LIMCH1: variants seen among roughly 807,000 people sequenced by gnomAD.
The protein encoded by LIMCH1 is LIM and calponin homology domains-containing protein 1.
Under a neutral mutation model 176.5 loss-of-function variants are expected in LIMCH1, and 113 were observed. The ratio of observed to expected loss-of-function variants is 0.64; its 90% CI spans 0.55 to 0.75. The LOEUF (loss-of-function observed/expected upper bound fraction) is 0.75, where lower values mean the gene tolerates loss of function less well. LIMCH1 is among the 30% of genes least tolerant of loss of function. The probability of loss-of-function intolerance (pLI) is 0.00; values close to 1 mark genes in which losing one functional copy is unlikely to be tolerated. For synonymous variants in LIMCH1, 619 were observed against 645.9 expected, an observed-to-expected ratio of 0.96 and a Z score of 0.63; for missense variants, 1,674 against 1,814.9, an observed-to-expected ratio of 0.92 and a Z score of 1.41.
rs1347636163 is a variant in LIMCH1, at chr4:41,697,330, T to C, written c.*145T>C. 2.8e-6 allele frequency: 2 copies of C among 709,294 alleles called. No homozygotes were observed. The highest frequency in any genetic ancestry group is 4.9e-6 in the Non-Finnish European group (2 of 409,010). The allele number at this position is 709,294 out of a possible 1,614,324, so 43.9% of individuals were successfully genotyped here. A position where few individuals can be genotyped will look rare whatever the true frequency, so the allele number is the denominator to read the frequency against. ...CTTCTGAAAGGTGGTATCTGTTCTT[T>C]CGTAGCACAGTGTTTATGTTTTTCC... On this transcript the variant is annotated 3_prime_UTR_variant, in exon 32 of 32. Coordinates refer to ENST00000503057, the MANE Select transcript of LIMCH1 (RefSeq NM_001330672.2).
intron 7 of LIMCH1, among the ~76,000 whole-genome samples, chr4:41,624,594 C>A (rs927815919): frequency 2.0e-5 from 3 of 151,506 alleles, no homozygotes; most frequent in African/African-American, 7.3e-5. Flanking sequence ...AAATAGCTGC[C>A]CTGATTGGAG....
At chr4:41,463,251 T>C (rs1460370439) in intron 1 of LIMCH1, among the ~76,000 whole-genome samples, 1 of 152,158 alleles carries the variant, frequency 6.6e-6, no homozygotes, top group East Asian at 1.9e-4. Context: ...GCTGAAGATC[T>C]AGACATGATT....
chr4:41,559,814 G>A (rs577139636), intron 1 of LIMCH1, among the ~76,000 whole-genome samples: 20 of 152,074 alleles, frequency 1.3e-4, no homozygotes, highest in Admixed American at 7.9e-4. Context: ...CCTACCCAAC[G>A]CAGATATTTC....
At chr4:41,395,708 G>T (rs2057735424) in intron 1 of LIMCH1, among the ~76,000 whole-genome samples, 1 of 151,722 alleles carries the variant, frequency 6.6e-6, no homozygotes, top group African/African-American at 2.4e-5. Context: ...TTCTATTATG[G>T]CTCCATGTCA....
intron 1 of LIMCH1, among the ~76,000 whole-genome samples, chr4:41,384,916 A>G (rs1052863033): frequency 6.6e-6 from 1 of 152,248 alleles, no homozygotes; most frequent in Non-Finnish European, 1.5e-5. Context: ...CTAGGAATTT[A>G]AGAAAAAAGT....
At chr4:41,683,361 TGGCTGAG>T (rs1415113082) in intron 26 of LIMCH1, among the ~76,000 whole-genome samples, 2 of 152,136 alleles carry the variant, frequency 1.3e-5, no homozygotes, top group Non-Finnish European at 2.9e-5. Flanking sequence ...ACTCTGGTTG[TGGCTGAG>T]GGTTGTAATG....
At chr4:41,544,782 G>C (rs975664252) in intron 1 of LIMCH1, among the ~76,000 whole-genome samples, 1 of 152,154 alleles carries the variant, frequency 6.6e-6, no homozygotes, top group African/African-American at 2.4e-5. Flanking sequence ...CCATTAGGAT[G>C]CTTATGCTTC....
chr4:41,462,178 C>A (rs759736513), intron 1 of LIMCH1, among the ~76,000 whole-genome samples: 1 of 152,124 alleles, frequency 6.6e-6, no homozygotes, highest in Non-Finnish European at 1.5e-5. Flanking sequence ...TGTGGGGATA[C>A]GATGGATTTG....
chr4:41,432,509 C>T (rs1480713970), intron 1 of LIMCH1, among the ~76,000 whole-genome samples: 3 of 152,172 alleles, frequency 2.0e-5, no homozygotes, highest in South Asian at 4.1e-4. Flanking sequence ...GCTGTACCTT[C>T]CTGTCTGAAT....
chr4:41,644,891 G>A (rs2093996281), intron 15 of LIMCH1, among the ~76,000 whole-genome samples: 1 of 152,118 alleles, frequency 6.6e-6, no homozygotes, highest in Non-Finnish European at 1.5e-5. Context: ...AACTGGGATG[G>A]GTTGTAGAAT....
intron 9 of LIMCH1, 114 bp from the exon 10 acceptor site, chr4:41,631,034 A>G: frequency 1.2e-6 from 1 of 867,780 alleles, no homozygotes; most frequent in Non-Finnish European, 1.7e-6. Context: ...GGGATGCCGA[A>G]CTCACTGATA....
intron 2 of LIMCH1, among the ~76,000 whole-genome samples, chr4:41,520,649 A>G (rs954735035): frequency 2.0e-5 from 3 of 152,204 alleles, no homozygotes; most frequent in African/African-American, 7.2e-5. Flanking sequence ...CAGGCACTTG[A>G]TCAAGAATAT....
In LIMCH1 at chr4:41,371,575, G is replaced by T. The variant is rs149405907; in HGVS notation, c.96+10639G>T. On this transcript the variant is annotated intron_variant, in intron 1 of 26. Coordinates refer to the LIMCH1 transcript ENST00000313860. ...AAATGTGGATTTAGGGTGCCTCCCTGCCAGGCACCGTTAGTTCTTTGCGTA... is the reference window on the plus strand; with the variant it reads ...AAATGTGGATTTAGGGTGCCTCCCTTCCAGGCACCGTTAGTTCTTTGCGTA... 1.8e-4 allele frequency among the ~76,000 whole-genome samples: 27 copies of T among 152,244 alleles called. No individual in the cohort carries two copies. The East Asian group carries it at 5.2e-3, about 29-fold the overall frequency.
At chr4:41,649,766 C>A (rs2094212384) in intron 17 of LIMCH1, among the ~76,000 whole-genome samples, 1 of 152,222 alleles carries the variant, frequency 6.6e-6, no homozygotes, top group Non-Finnish European at 1.5e-5. Context: ...GCTCCAACTG[C>A]CTCCCCTCGA....
intron 1 of LIMCH1, among the ~76,000 whole-genome samples, chr4:41,361,392 C>G (rs939564876): frequency 6.6e-6 from 1 of 152,240 alleles, no homozygotes; most frequent in Non-Finnish European, 1.5e-5. Context: ...ACCCCGCACC[C>G]TTCCGGAGCA....
chr4:41,535,180 A>G (rs113132944), upstream of LIMCH1, among the ~76,000 whole-genome samples: 11,948 of 141,720 alleles, frequency 0.084, 583 homozygotes, highest in African/African-American at 0.14. Flanking sequence ...AAAAAAAAAA[A>G]AAAAGAAAAG....
At chr4:41,598,170 GGAT>G (rs2089265435) in intron 1 of LIMCH1, among the ~76,000 whole-genome samples, 1 of 152,126 alleles carries the variant, frequency 6.6e-6, no homozygotes, top group African/African-American at 2.4e-5. Flanking sequence ...AGTTCCAAAA[GGAT>G]GACCCACAAT....
intron 8 of LIMCH1, among the ~76,000 whole-genome samples, chr4:41,627,739 T>A (rs1376233401): frequency 6.6e-6 from 1 of 152,228 alleles, no homozygotes. Context: ...ATGATTTCAT[T>A]TAGGGAACCT....
chr4:41,546,724 T>C (rs2079469509), intron 1 of LIMCH1, among the ~76,000 whole-genome samples: 1 of 152,140 alleles, frequency 6.6e-6, no homozygotes, highest in Admixed American at 6.6e-5. Context: ...TAATGAGCTT[T>C]AGTACAATCA....
Sources: gnomAD v4.1 joint callset for allele counts (sites outside exome capture counted in the v4.1 genomes callset) on GRCh38, gnomAD v4.1.1 for gene constraint, MANE v1.5 for transcripts, NCBI Gene and HGNC (gene_info 2026-07-23, HGNC 2026-07-21) for gene names.